The following REDIC1 variants were observed in gnomAD, a reference collection of about 807,000 sequenced individuals.
The protein encoded by REDIC1 is regulator of DNA class I crossover intermediates 1.
chr12:39,702,007 C>G, the REDIC1 span, among the ~76,000 whole-genome samples: 5 of 151,972 alleles, frequency 3.3e-5, no homozygotes, highest in Admixed American at 6.6e-5. Flanking sequence ...AAAATTGACA[C>G]CCTAACATCA....
At chr12:39,680,842 A>G in the REDIC1 span, among the ~76,000 whole-genome samples, 1 of 152,166 alleles carries the variant, frequency 6.6e-6, no homozygotes, top group Admixed American at 6.5e-5. Flanking sequence ...AAGGAATGAA[A>G]TTATGGCATT....
At chr12:39,697,215 T>A in the REDIC1 span, among the ~76,000 whole-genome samples, 1 of 152,272 alleles carries the variant, frequency 6.6e-6, no homozygotes, top group Non-Finnish European at 1.5e-5. Flanking sequence ...CATGACATAT[T>A]TAAAGTGCTG....
the REDIC1 span, among the ~76,000 whole-genome samples, chr12:39,712,420 A>ACCTG: frequency 3.1e-5 from 4 of 127,748 alleles, no homozygotes; most frequent in African/African-American, 1.1e-4. Context: ...ACGTATATAC[A>ACCTG]TACGTATATA....
the REDIC1 span, among the ~76,000 whole-genome samples, chr12:39,663,821 C>A: frequency 2.6e-5 from 4 of 151,944 alleles, no homozygotes; most frequent in African/African-American, 9.7e-5. Context: ...AGTCACCAAG[C>A]AATTCTTGTA....
chr12:39,710,381 CTT>C, the REDIC1 span, among the ~76,000 whole-genome samples: 1 of 151,752 alleles, frequency 6.6e-6, no homozygotes, highest in Non-Finnish European at 1.5e-5. Flanking sequence ...AAACTTGAAT[CTT>C]TTGCTGCTTC....
the REDIC1 span, among the ~76,000 whole-genome samples, chr12:39,794,221 C>G: frequency 2.3e-4 from 34 of 150,976 alleles, no homozygotes; most frequent in African/African-American, 8.3e-4. Context: ...TGCAGCTCTC[C>G]CTTTGTTGCT....
At chr12:39,856,261 T>C in the REDIC1 span, among the ~76,000 whole-genome samples, 2 of 151,980 alleles carry the variant, frequency 1.3e-5, no homozygotes, top group African/African-American at 4.8e-5. Flanking sequence ...ATCCATCCAT[T>C]CATCCATCCA....
At chr12:39,715,107 T>C in the REDIC1 span, among the ~76,000 whole-genome samples, 1 of 152,000 alleles carries the variant, frequency 6.6e-6, no homozygotes, top group Non-Finnish European at 1.5e-5. Context: ...TTGCATGTGC[T>C]TTTGTGTTCT....
the REDIC1 span, among the ~76,000 whole-genome samples, chr12:39,774,540 C>A: frequency 6.7e-6 from 1 of 150,210 alleles, no homozygotes; most frequent in African/African-American, 2.4e-5. Context: ...AGTGTGGAGA[C>A]CATGTTGAAA....
the REDIC1 span, among the ~76,000 whole-genome samples, chr12:39,889,396 T>G: frequency 6.6e-6 from 1 of 152,238 alleles, no homozygotes. Context: ...AGTATAAATA[T>G]AGCCTTATAC....
At chr12:39,660,487 CAT>C in the REDIC1 span, among the ~76,000 whole-genome samples, 5 of 151,986 alleles carry the variant, frequency 3.3e-5, no homozygotes, top group Non-Finnish European at 5.9e-5. Context: ...AACTGTTGTC[CAT>C]ATATTTTGTT....
At chr12:39,685,089 G>A in the REDIC1 span, among the ~76,000 whole-genome samples, 8 of 152,016 alleles carry the variant, frequency 5.3e-5, no homozygotes, top group Admixed American at 3.3e-4. Context: ...GGAAATTATA[G>A]CTTAGATCTA....
chr12:39,627,539 G>T, the REDIC1 span, among the ~76,000 whole-genome samples: 4 of 152,050 alleles, frequency 2.6e-5, no homozygotes, highest in Non-Finnish European at 5.9e-5. Flanking sequence ...CTACTGGGAG[G>T]ATGCAAAAAC....
the REDIC1 span, among the ~76,000 whole-genome samples, chr12:39,780,305 T>C: frequency 2.6e-5 from 4 of 152,200 alleles, no homozygotes; most frequent in African/African-American, 9.7e-5. Flanking sequence ...ATAATCATCT[T>C]ACCAGTTCAG....
chr12:39,788,446 C>T, the REDIC1 span: 1 of 152,122 alleles, frequency 6.6e-6, no homozygotes, highest in Non-Finnish European at 1.5e-5. Flanking sequence ...CATGGATATA[C>T]TGGACAAAGG....
chr12:39,795,646 T>C, the REDIC1 span, among the ~76,000 whole-genome samples: 1,978 of 152,308 alleles, frequency 0.013, 23 homozygotes, highest in South Asian at 0.041. Context: ...AAGATTTACA[T>C]TGGCTGTTGC....
At chr12:39,755,375 T>C in the REDIC1 span, 1 of 152,068 alleles carries the variant, frequency 6.6e-6, no homozygotes, top group African/African-American at 2.4e-5. Context: ...GAAATACATA[T>C]ATTTTAAAAG....
chr12:39,713,401 C>T, the REDIC1 span, among the ~76,000 whole-genome samples: 1 of 8,320 alleles, frequency 1.2e-4, no homozygotes, highest in Non-Finnish European at 7.3e-4. Flanking sequence ...TAGACACATA[C>T]GTATGTATAC....
the REDIC1 span, among the ~76,000 whole-genome samples, chr12:39,812,799 G>C: frequency 2.0e-5 from 3 of 149,680 alleles, no homozygotes; most frequent in Non-Finnish European, 3.0e-5. Context: ...ATGACTTTAG[G>C]GGGTGGGGGG....
Sources: allele counts gnomAD v4.1 joint callset (sites outside exome capture counted in the v4.1 genomes callset), GRCh38; gene constraint gnomAD v4.1.1; transcripts MANE v1.5; gene names NCBI Gene and HGNC (gene_info 2026-07-23, HGNC 2026-07-21).